Variants in FAT3 observed in about 807,000 individuals in gnomAD.
FAT3 encodes protocadherin Fat 3.
Under a neutral mutation model 310.2 loss-of-function variants are expected in FAT3, and 95 were observed. The ratio of observed to expected loss-of-function variants is 0.31; its 90% CI spans 0.26 to 0.36. FAT3 has a LOEUF of 0.36. Among genes scored for constraint, FAT3 ranks in the 10% least tolerant of loss-of-function variants. The pLI is 1.00. For missense variants in FAT3, 5,408 were observed against 5,715.6 expected, an observed-to-expected ratio of 0.95 and a Z score of 1.74; for synonymous variants, 2,314 against 2,192.9, an observed-to-expected ratio of 1.06 and a Z score of -1.54.
chr11:92,697,523 C>A (rs2135907721), intron 4 of FAT3, 78 bp downstream of exon 4: 1 of 1,315,036 alleles, frequency 7.6e-7, no homozygotes, highest in Non-Finnish European at 1.1e-6. Flanking sequence ...TAAACTACAC[C>A]TTCAATATAT....
At chr11:92,829,289 A>G (rs1565630211) in intron 13 of FAT3, among the ~76,000 whole-genome samples, 1 of 152,354 alleles carries the variant, frequency 6.6e-6, no homozygotes, top group South Asian at 2.1e-4. Context: ...AAGTCCCTGC[A>G]TGAATTTCAT....
intron 4 of FAT3, among the ~76,000 whole-genome samples, chr11:92,716,541 C>G (rs1944696451): frequency 6.6e-6 from 1 of 152,042 alleles, no homozygotes; most frequent in African/African-American, 2.4e-5. Context: ...TTGCATATAT[C>G]TTAGTTTTAC....
intron 1 of FAT3, among the ~76,000 whole-genome samples, chr11:92,258,661 G>A (rs1181928179): frequency 6.6e-6 from 1 of 152,020 alleles, no homozygotes; most frequent in African/African-American, 2.4e-5. Context: ...TATTTGTTAG[G>A]CAGTTGTGCA....
chr11:92,829,458 A>T lies in FAT3; in HGVS notation c.9482-2164A>T, dbSNP rs147313206. 2.6e-5 allele frequency among the ~76,000 whole-genome samples: 4 copies of T among 152,334 alleles called. No homozygotes were observed. The East Asian group carries it at 7.7e-4, about 29-fold the overall frequency. On this transcript the variant is annotated intron_variant, in intron 13 of 27. Transcript: ENST00000525166. ...TTTTGTGACTTGGAGAGGCATCCTGAGACCACTGAATCAGTGAAGGCAGCT... is the reference window on the plus strand; with the variant it reads ...TTTTGTGACTTGGAGAGGCATCCTGTGACCACTGAATCAGTGAAGGCAGCT...
In FAT3 at chr11:92,840,717, C is replaced by T. The variant is rs1948518131; in HGVS notation, c.10524C>T (p.Val3508=). The T allele has an allele frequency of 1.2e-6, 2 of 1,606,572 alleles. No individual in the cohort carries two copies. The highest frequency in any genetic ancestry group is 4.5e-5 in the East Asian group (2 of 44,638). The change falls in exon 18 of 28, where the codon GTC becomes GTT. Residue 3508 remains valine, a synonymous_variant. Coordinates refer to ENST00000525166, the MANE Select transcript of FAT3 (RefSeq NM_001367949.2). ...DPHGILRSAV[V]FQHTESLEYV... is the part of the protein sequence containing the mutation. ...ATGGGATCTTGCGGTCGGCTGTGGT[C>T]TTCCAGCACACAGAGTCTCTGGAAT... is the stretch of plus-strand genomic sequence containing the variant.
intron 1 of FAT3, among the ~76,000 whole-genome samples, chr11:92,344,001 C>T (rs1427126638): frequency 6.6e-6 from 1 of 152,128 alleles, no homozygotes; most frequent in African/African-American, 2.4e-5. Flanking sequence ...GAAAGGAATT[C>T]ATGATCAAAT....
chr11:92,364,177 T>C (rs773897164), intron 2 of FAT3, among the ~76,000 whole-genome samples: 5 of 152,332 alleles, frequency 3.3e-5, no homozygotes, highest in Non-Finnish European at 5.9e-5. Context: ...ACTTGTGTGG[T>C]CTTTTCTCTG....
At chr11:92,725,049 A>G (rs982884482) in intron 4 of FAT3, among the ~76,000 whole-genome samples, 11 of 151,678 alleles carry the variant, frequency 7.3e-5, no homozygotes, top group South Asian at 2.1e-4. Flanking sequence ...ACAAGAATGG[A>G]AAAAAAAACC....
intron 6 of FAT3, among the ~76,000 whole-genome samples, chr11:92,769,945 T>G (rs975358076): frequency 9.2e-5 from 14 of 152,228 alleles, no homozygotes; most frequent in Non-Finnish European, 2.9e-5. Flanking sequence ...CTGGTAGGAC[T>G]AGCAGCAGCC....
chr11:92,763,530 G>C (rs146844190), intron 5 of FAT3, among the ~76,000 whole-genome samples: 31 of 152,208 alleles, frequency 2.0e-4, no homozygotes, highest in African/African-American at 7.0e-4. Context: ...CAGCTGCCCT[G>C]TTCTCCAGAG....
chr11:92,821,032 G>A (rs1418545176), intron 13 of FAT3, among the ~76,000 whole-genome samples: 2 of 152,186 alleles, frequency 1.3e-5, no homozygotes, highest in African/African-American at 4.8e-5. Context: ...ACATAGGCAG[G>A]GATGAGTGAT....
intron 2 of FAT3, among the ~76,000 whole-genome samples, chr11:92,458,986 TATA>T (rs1951569820): frequency 6.6e-6 from 1 of 152,234 alleles, no homozygotes; most frequent in African/African-American, 2.4e-5. Flanking sequence ...AACTACTTAT[TATA>T]ATGTGTTAAG....
chr11:92,693,759 A>G (rs1161455105), intron 3 of FAT3, among the ~76,000 whole-genome samples: 1 of 152,186 alleles, frequency 6.6e-6, no homozygotes, highest in Non-Finnish European at 1.5e-5. Context: ...TTATTTTATC[A>G]AGATTTTGAT....
intron 3 of FAT3, among the ~76,000 whole-genome samples, chr11:92,579,542 T>A (rs1354913009): frequency 6.6e-6 from 1 of 152,100 alleles, no homozygotes; most frequent in Non-Finnish European, 1.5e-5. Flanking sequence ...TATCATATAT[T>A]GTAGTTATGC....
chr11:92,646,820 G>A (rs1208026890), intron 3 of FAT3, among the ~76,000 whole-genome samples: 4 of 152,166 alleles, frequency 2.6e-5, no homozygotes, highest in Non-Finnish European at 5.9e-5. Flanking sequence ...TCTAGCAGCT[G>A]TTAGTTTGCA....
intron 20 of FAT3, 112 bp downstream of exon 20, chr11:92,857,460 AC>A: frequency 7.0e-7 from 1 of 1,420,236 alleles, no homozygotes; most frequent in East Asian, 2.3e-5. Context: ...TATGCATGCA[AC>A]CTTTTCCTTT....
chr11:92,490,125 A>G (rs1355065225), intron 2 of FAT3, among the ~76,000 whole-genome samples: 4 of 152,042 alleles, frequency 2.6e-5, no homozygotes, highest in East Asian at 1.9e-4. Context: ...CTTTTTTAAG[A>G]ATTAGTTATA....
At chr11:92,843,690 C>T (rs1698920771) in intron 18 of FAT3, among the ~76,000 whole-genome samples, 1 of 152,160 alleles carries the variant, frequency 6.6e-6, no homozygotes, top group African/African-American at 2.4e-5. Context: ...TCTCTCTTCA[C>T]CCCAGCCGGC....
At chr11:92,857,498 C>A (rs1210925693) in intron 20 of FAT3, 150 bp downstream of exon 20, 1 of 1,059,340 alleles carries the variant, frequency 9.4e-7, no homozygotes, top group East Asian at 2.6e-5. Flanking sequence ...AACATCCACA[C>A]TCACATTTAC....
Sources: gnomAD v4.1 joint callset for allele counts (sites outside exome capture counted in the v4.1 genomes callset) on GRCh38, gnomAD v4.1.1 for gene constraint, MANE v1.5 for transcripts, NCBI Gene and HGNC (gene_info 2026-07-23, HGNC 2026-07-21) for gene names.